Variants in IL1RAPL1 observed in about 807,000 individuals in gnomAD.
The protein encoded by IL1RAPL1 is interleukin-1 receptor accessory protein-like 1.
In IL1RAPL1, 3 loss-of-function variants were observed where a neutral mutation model predicts 48.4. That is an observed-to-expected ratio of 0.06 (90% CI 0.03 to 0.16). The LOEUF (loss-of-function observed/expected upper bound fraction) is 0.16. IL1RAPL1 is among the 10% of genes least tolerant of loss of function. IL1RAPL1 has a pLI of 1.00. For missense variants in IL1RAPL1, 349 were observed against 530.6 expected (o/e 0.66, Z 3.36); for synonymous variants, 185 against 187.7 (o/e 0.99, Z 0.12).
rs769245232 is a variant in IL1RAPL1, at chrX:28,894,536, A to C, written c.82+105111A>C. 1.4e-4 allele frequency among the ~76,000 whole-genome samples: 16 copies of C among 111,556 alleles called. No individual in the cohort carries two copies. In the South Asian group the frequency reaches 5.8e-3, roughly 40 times the overall value. The stretch of plus-strand genomic sequence containing the variant: ...GGCCAGGAACAATGGTAATTGTGGG[A>C]GACTCAACAAAGAGTGAATATAGCT... On this transcript the variant is annotated intron_variant, in intron 2 of 10. Coordinates refer to ENST00000378993, the MANE Select transcript of IL1RAPL1 (RefSeq NM_014271.4).
chrX:28,672,325 T>C (rs958942417), intron 1 of IL1RAPL1, among the ~76,000 whole-genome samples: 1 of 111,695 alleles, frequency 9.0e-6, no homozygotes, highest in African/African-American at 3.3e-5. Flanking sequence ...GATCTCTCAG[T>C]TAAAAGCTGC....
chrX:29,803,019 ACATATACATGTATG>A (rs1235219665), intron 6 of IL1RAPL1, among the ~76,000 whole-genome samples: 11 of 53,472 alleles, frequency 2.1e-4, no homozygotes, highest in Non-Finnish European at 3.5e-4. Context: ...ACATATGTGT[ACATATACATGTATG>A]CATATATACA....
chrX:28,660,140 T>TGTGTGTGTGTGTGTGTGTGTG (rs1477990678), intron 1 of IL1RAPL1, among the ~76,000 whole-genome samples: 1 of 85,117 alleles, frequency 1.2e-5, no homozygotes, highest in Non-Finnish European at 2.4e-5. Context: ...TGTGTGTGTG[T>TGTGTGTGTGTGTGTGTGTGTG]TGGAGTTACT....
intron 5 of IL1RAPL1, among the ~76,000 whole-genome samples, chrX:29,589,875 C>T (rs1923310474): frequency 9.0e-6 from 1 of 110,993 alleles, no homozygotes. Flanking sequence ...AGGCATGGTG[C>T]TGGCATCTGC....
intron 5 of IL1RAPL1, among the ~76,000 whole-genome samples, chrX:29,522,119 G>A (rs780138372): frequency 5.4e-5 from 6 of 111,719 alleles, no homozygotes; most frequent in Non-Finnish European, 1.1e-4. Context: ...GTGGATTCTA[G>A]CCTAACTTGA....
At chrX:29,512,233 G>A (rs1363544181) in intron 5 of IL1RAPL1, among the ~76,000 whole-genome samples, 1 of 110,901 alleles carries the variant, frequency 9.0e-6, no homozygotes, top group Non-Finnish European at 1.9e-5. Flanking sequence ...GTGGTTTAAT[G>A]TGAAAGGACT....
At chrX:29,382,256 A>G (rs1933721064) in intron 3 of IL1RAPL1, among the ~76,000 whole-genome samples, 1 of 112,083 alleles carries the variant, frequency 8.9e-6, no homozygotes, top group South Asian at 3.7e-4. Context: ...AAACTGCAAT[A>G]ATACATACAT....
intron 3 of IL1RAPL1, among the ~76,000 whole-genome samples, chrX:29,312,855 CG>C (rs1275089679): frequency 1.8e-5 from 2 of 110,769 alleles, no homozygotes; most frequent in East Asian, 5.7e-4. Flanking sequence ...ATAAGTCTCA[CG>C]AGATCTCATG....
intron 5 of IL1RAPL1, among the ~76,000 whole-genome samples, chrX:29,558,571 A>G (rs1418167305): frequency 9.0e-6 from 1 of 111,642 alleles, no homozygotes; most frequent in Non-Finnish European, 1.9e-5. Context: ...ATTTTTGCTC[A>G]TGTTGCCTAT....
intron 6 of IL1RAPL1, among the ~76,000 whole-genome samples, chrX:29,891,104 T>A (rs1396713100): frequency 8.9e-6 from 1 of 112,113 alleles, no homozygotes; most frequent in African/African-American, 3.2e-5. Flanking sequence ...GCCTCACCTC[T>A]GGCCTCCTCC....
At chrX:29,247,071 T>G (rs1239289995) in intron 2 of IL1RAPL1, among the ~76,000 whole-genome samples, 1 of 112,209 alleles carries the variant, frequency 8.9e-6, no homozygotes, top group Non-Finnish European at 1.9e-5. Context: ...TATTCATATC[T>G]AAGTTGAAGT....
At position 29,103,786 on chromosome X, in the gene IL1RAPL1, TAATC is replaced by T. The variant is rs777873670; in HGVS notation, c.83-179149_83-179146del. ...CAACAATTCTATGGGAAAAAATTAA[TAATC>T]AAATTTTAAAATGGGCAAAAGATCT... On this transcript the variant is annotated intron_variant, in intron 2 of 10. Coordinates refer to ENST00000378993, the MANE Select transcript of IL1RAPL1 (RefSeq NM_014271.4). 1.9e-3 allele frequency among the ~76,000 whole-genome samples: 213 copies of T among 111,738 alleles called. 1 individual carries two copies. Among genetic ancestry groups the T allele is most frequent in the African/African-American group, 6.4e-3 (196 of 30,762 alleles).
In IL1RAPL1 at chrX:28,689,254, C is replaced by A. The variant is rs905947118; in HGVS notation, c.-24-100066C>A. Among the ~76,000 whole-genome samples, 4 of 110,814 alleles carry A rather than the reference C, an allele frequency of 3.6e-5. No homozygotes were observed. The Admixed American group carries it at 3.8e-4, about 11-fold the overall frequency. On this transcript the variant is annotated intron_variant, in intron 1 of 10. Transcript: ENST00000378993. ...AATCCCCATGGGTCATGGGTGGGAC[C>A]AGGTGAAGATAATTGAATCATGGGG...
chrX:29,250,199 T>C lies in IL1RAPL1; in HGVS notation c.83-32739T>C, dbSNP rs111876794. 3.4e-3 allele frequency among the ~76,000 whole-genome samples: 378 copies of C among 111,649 alleles called. 2 individuals carry two copies. The highest frequency in any genetic ancestry group is 0.011 in the African/African-American group (337 of 30,589). ...GGGAATATCACATTCTTCTCTCTCA[T>C]TGGACTTTATTTCACTGGAAAAATA... On this transcript the variant is annotated intron_variant, in intron 2 of 10. Coordinates refer to ENST00000378993, the MANE Select transcript of IL1RAPL1 (RefSeq NM_014271.4).
At chrX:29,135,813 C>T (rs749687669) in intron 2 of IL1RAPL1, among the ~76,000 whole-genome samples, 50 of 112,003 alleles carry the variant, frequency 4.5e-4, no homozygotes, top group Non-Finnish European at 7.5e-4. Context: ...TGGCTCACTA[C>T]AACTTCCATC....
chrX:28,629,626 A>T (rs965461870), intron 1 of IL1RAPL1, among the ~76,000 whole-genome samples: 16 of 112,364 alleles, frequency 1.4e-4, no homozygotes, highest in Non-Finnish European at 2.8e-4. Flanking sequence ...GAGATGGAAG[A>T]GCTAAAGATG....
At chrX:29,544,411 CTTAT>C (rs1921540708) in intron 5 of IL1RAPL1, among the ~76,000 whole-genome samples, 1 of 111,885 alleles carries the variant, frequency 8.9e-6, no homozygotes, top group African/African-American at 3.2e-5. Context: ...CATACTGACA[CTTAT>C]ACCTTTCAAG....
At chrX:28,831,507 A>C (rs1018916150) in intron 2 of IL1RAPL1, among the ~76,000 whole-genome samples, 7 of 109,521 alleles carry the variant, frequency 6.4e-5, no homozygotes, top group African/African-American at 2.3e-4. Flanking sequence ...TTCTCTGGGG[A>C]TGGAGCTTTG....
chrX:29,644,454 C>T (rs182813915), intron 5 of IL1RAPL1, among the ~76,000 whole-genome samples: 24 of 112,199 alleles, frequency 2.1e-4, no homozygotes, highest in African/African-American at 7.8e-4. Context: ...TGATTTATAT[C>T]CTATCTGTTC....
Sources: gnomAD v4.1 joint callset for allele counts (sites outside exome capture counted in the v4.1 genomes callset) on GRCh38, gnomAD v4.1.1 for gene constraint, MANE v1.5 for transcripts, NCBI Gene and HGNC (gene_info 2026-07-23, HGNC 2026-07-21) for gene names.